The following TNNT3 variants were observed in gnomAD, a reference collection of about 807,000 sequenced individuals.
The protein encoded by TNNT3 is troponin T3, fast skeletal type, also known as troponin T, fast skeletal muscle.
A neutral mutation model predicts 54.2 loss-of-function variants in TNNT3; 36 were observed. The observed-to-expected ratio is 0.66, with a 90% CI of 0.51 to 0.88. The LOEUF is 0.88. Ranked by LOEUF, TNNT3 falls within the 40% of genes least tolerant of loss-of-function variation. TNNT3 has a pLI of 0.00. For missense variants in TNNT3, 291 were observed against 331.6 expected (o/e 0.88, Z 0.95); for synonymous variants, 120 against 109.7 (o/e 1.09, Z -0.59).
At chr11:1,923,879 G>A (rs1283811325) in intron 4 of TNNT3, among the ~76,000 whole-genome samples, 1 of 150,324 alleles carries the variant, frequency 6.7e-6, no homozygotes, top group Non-Finnish European at 1.5e-5. Context: ...GTGCCATGGT[G>A]TGTGGAGTTC....
intron 4 of TNNT3, 121 bp from the exon 5 acceptor site, chr11:1,924,978 C>G (rs562515592): frequency 7.2e-6 from 8 of 1,115,848 alleles, no homozygotes; most frequent in Non-Finnish European, 1.1e-5. Context: ...GAGCCCCAGG[C>G]CCTCTTCTCC....
chr11:1,933,472 C>T (rs1299875567), intron 9 of TNNT3, among the ~76,000 whole-genome samples: 1 of 152,204 alleles, frequency 6.6e-6, no homozygotes. Context: ...ATGCTGAGGA[C>T]CTTATGGCTG....
At chr11:1,938,085 G>A in intron 15 of TNNT3, 2 of 355,800 alleles carry the variant, frequency 5.6e-6, no homozygotes, top group Non-Finnish European at 1.1e-5. Flanking sequence ...CGTCTGGAGG[G>A]GCATGAGCTC....
chr11:1,922,353 T>C (rs1382016944), intron 1 of TNNT3, among the ~76,000 whole-genome samples: 26 of 152,012 alleles, frequency 1.7e-4, no homozygotes, highest in Admixed American at 1.5e-3. Context: ...AGCAGATTAC[T>C]CATCTTGGGG....
intron 5 of TNNT3, 33 bp downstream of exon 5, chr11:1,925,149 C>T (rs370550245): frequency 8.7e-5 from 140 of 1,610,646 alleles, no homozygotes; most frequent in Non-Finnish European, 1.1e-4. Context: ...GCCCCCATGC[C>T]CACTCCCCAG....
intron 1 of TNNT3, among the ~76,000 whole-genome samples, chr11:1,922,117 G>A (rs1277828158): frequency 2.6e-5 from 4 of 152,158 alleles, no homozygotes; most frequent in Admixed American, 6.5e-5. Flanking sequence ...GGGGGTGCAC[G>A]GGAAGCGGCC....
At chr11:1,926,526 G>A (rs370361169) in intron 5 of TNNT3, 169 bp from the exon 6 acceptor site, 2 of 1,612,420 alleles carry the variant, frequency 1.2e-6, no homozygotes, top group African/African-American at 1.3e-5. Flanking sequence ...GTGGCCATGT[G>A]GGGGGTGCAG....
chr11:1,932,515 G>A lies in TNNT3; in HGVS notation c.171+1G>A, dbSNP rs1249302576. 23 of 1,613,712 alleles carry A rather than the reference G, an allele frequency of 1.4e-5. No homozygotes were observed. The highest frequency in any genetic ancestry group is 2.7e-5 in the African/African-American group (2 of 74,902). On this transcript the variant is annotated splice_donor_variant, in intron 9 of 15. Coordinates refer to ENST00000278317, the MANE Select transcript of TNNT3 (RefSeq NM_006757.4). LOFTEE classifies it high-confidence loss of function. ...AGAAGGGGAGAAAGTGGACTTCGAT[G>A]TAAGTTTACAGGACTCTGGTTAACA...
At chr11:1,922,089 G>C (rs1850237656) in intron 1 of TNNT3, among the ~76,000 whole-genome samples, 1 of 152,010 alleles carries the variant, frequency 6.6e-6, no homozygotes. Flanking sequence ...AGTATGCCTT[G>C]TACAGAGCCC....
At chr11:1,924,834 G>A (rs1851067193) in intron 4 of TNNT3, 1 of 601,994 alleles carries the variant, frequency 1.7e-6, no homozygotes, top group African/African-American at 1.9e-5. Flanking sequence ...AGGAGGGTGG[G>A]AGGGGCCTCA....
chr11:1,929,264 C>A, intron 7 of TNNT3, 121 bp downstream of exon 7: 1 of 1,303,764 alleles, frequency 7.7e-7, no homozygotes, highest in Non-Finnish European at 1.1e-6. Flanking sequence ...TCTTTCTCTT[C>A]CCCTGGCACG....
Position 1,938,618 on chromosome 11 carries a change from G to C in TNNT3, c.*126G>C, listed in dbSNP as rs778222836. ...GGGCTCCCTGACAGTCCTGGGGGTG[G>C]AGAGGCCATCCCGGGGCGTCCCCCG... is the stretch of plus-strand genomic sequence containing the variant. On this transcript the variant is annotated 3_prime_UTR_variant, in exon 16 of 16. Coordinates refer to ENST00000278317, the MANE Select transcript of TNNT3 (RefSeq NM_006757.4). The C allele has an allele frequency of 2.2e-5, 22 of 1,017,440 alleles. No homozygotes were observed. In the South Asian group the frequency reaches 3.0e-4, roughly 14 times the overall value. The allele number at this position is 1,017,440 out of a possible 1,614,324, so 63.0% of individuals were successfully genotyped here. A position where few individuals can be genotyped will look rare whatever the true frequency, so the allele number is the denominator to read the frequency against.
intron 2 of TNNT3, 67 bp downstream of exon 2, chr11:1,922,958 C>T: frequency 6.2e-7 from 1 of 1,613,512 alleles, no homozygotes; most frequent in Non-Finnish European, 8.5e-7. Context: ...TTCTGTGGGG[C>T]TGGAGCATGC....
intron 1 of TNNT3, among the ~76,000 whole-genome samples, chr11:1,920,515 C>A (rs571652521): frequency 6.3e-4 from 88 of 139,176 alleles, no homozygotes; most frequent in African/African-American, 2.2e-3. Context: ...TGACTTGTGC[C>A]GTCTGATCAG....
intron 1 of TNNT3, among the ~76,000 whole-genome samples, chr11:1,922,461 CT>C (rs1232629840): frequency 1.3e-5 from 2 of 152,198 alleles, no homozygotes; most frequent in Non-Finnish European, 2.9e-5. Flanking sequence ...TCAGCGGGAC[CT>C]TTCCAGTGTC....
At chr11:1,936,399 G>C (rs974188396) in intron 14 of TNNT3, 6 of 932,446 alleles carry the variant, frequency 6.4e-6, no homozygotes, top group Admixed American at 2.1e-5. Context: ...CTCTCCCCTC[G>C]TGCCTGCAGC....
intron 14 of TNNT3, 100 bp downstream of exon 14, chr11:1,935,019 C>T: frequency 8.6e-7 from 1 of 1,167,028 alleles, no homozygotes; most frequent in Non-Finnish European, 1.3e-6. Flanking sequence ...ACCTGCCCAC[C>T]CCAGGGACCT....
rs1168430401 is a variant in TNNT3 at position 1,933,798 on chromosome 11, G to A, written c.249G>A (p.Lys83=). 1.2e-6 allele frequency: 2 copies of A among 1,612,796 alleles called. No individual in the cohort carries two copies. The highest frequency in any genetic ancestry group is 3.3e-5 in the Admixed American group (2 of 60,008). The change falls in exon 10 of 16, where the codon AAG becomes AAA. Residue 83 remains lysine, a synonymous_variant. Transcript: ENST00000278317. ...ALIDSHFEAR[K]KEEEELVALK... is the part of the protein sequence containing the mutation. ...TCGACAGCCACTTTGAAGCCCGGAA[G>A]AAGGAGGAGGAGGAGCTGGTCGCTC...
intron 6 of TNNT3, among the ~76,000 whole-genome samples, chr11:1,928,195 G>C (rs78353778): frequency 0.022 from 3,362 of 152,340 alleles, 61 homozygotes; most frequent in Non-Finnish European, 0.032. Flanking sequence ...GTGTGTCAAC[G>C]GCCTTGCTGC....
Sources: gnomAD v4.1 joint callset for allele counts (sites outside exome capture counted in the v4.1 genomes callset) on GRCh38, gnomAD v4.1.1 for gene constraint, MANE v1.5 for transcripts, NCBI Gene and HGNC (gene_info 2026-07-23, HGNC 2026-07-21) for gene names.